Variants in LRRFIP1 observed in about 807,000 individuals in gnomAD.
The protein encoded by LRRFIP1 is leucine-rich repeat flightless-interacting protein 1.
In LRRFIP1, 62 loss-of-function variants were observed where a neutral mutation model predicts 104.4. The observed-to-expected ratio is 0.59, with a 90% confidence interval of 0.48 to 0.73. The LOEUF (loss-of-function observed/expected upper bound fraction) is 0.73. LRRFIP1 is among the 30% of genes least tolerant of loss of function. LRRFIP1 has a pLI of 0.00. For missense variants in LRRFIP1, 796 were observed against 824.5 expected (o/e 0.97, Z 0.42); for synonymous variants, 300 against 299.0 (o/e 1.00, Z -0.03).
chr2:237,708,796 G>A (rs745452947), intron 2 of LRRFIP1, 166 bp downstream of exon 2: 7 of 793,140 alleles, frequency 8.8e-6, no homozygotes, highest in Non-Finnish European at 1.3e-5. Context: ...GGCCAGGAGT[G>A]CGCATAGCAC....
chr2:237,627,765 G>C (rs2081758919), intron 1 of LRRFIP1, 25 bp downstream of exon 1: 2 of 1,210,552 alleles, frequency 1.7e-6, no homozygotes, highest in Admixed American at 4.4e-5. Flanking sequence ...AGGGCAGCCG[G>C]GGGGCGCCGG....
At chr2:237,771,395 A>T (rs1193301516) in intron 20 of LRRFIP1, among the ~76,000 whole-genome samples, 3 of 152,116 alleles carry the variant, frequency 2.0e-5, no homozygotes, top group Non-Finnish European at 4.4e-5. Flanking sequence ...GAATCCACAC[A>T]AATGAAGTGA....
chr2:237,737,366 C>G lies in LRRFIP1; in HGVS notation c.556-1866C>G, dbSNP rs538383005. Among the ~76,000 whole-genome samples, 12 of 152,316 alleles carry G rather than the reference C, an allele frequency of 7.9e-5. No individual in the cohort carries two copies. In the South Asian group the frequency reaches 1.2e-3, roughly 16 times the overall value. ...GGAACTTCCACAGCCACGTGGCCAA[C>G]AAGAGATGGAGCCATGATTCAGACT... is the stretch of plus-strand genomic sequence containing the variant. On this transcript the variant is annotated intron_variant, in intron 10 of 23. Coordinates refer to ENST00000308482, the MANE Select transcript of LRRFIP1 (RefSeq NM_001137550.2).
chr2:237,707,635 G>A (rs988546007), intron 1 of LRRFIP1, among the ~76,000 whole-genome samples: 2 of 152,124 alleles, frequency 1.3e-5, no homozygotes, highest in Non-Finnish European at 2.9e-5. Flanking sequence ...TTATGCCATC[G>A]AGCTTACGGG....
intron 1 of LRRFIP1, among the ~76,000 whole-genome samples, chr2:237,694,532 G>A (rs1267211932): frequency 6.6e-6 from 1 of 152,210 alleles, no homozygotes; most frequent in Non-Finnish European, 1.5e-5. Context: ...TATAGGCACA[G>A]GAAAGTGGTT....
intron 1 of LRRFIP1, among the ~76,000 whole-genome samples, chr2:237,700,663 C>T (rs1334461882): frequency 6.6e-6 from 1 of 152,222 alleles, no homozygotes; most frequent in African/African-American, 2.4e-5. Flanking sequence ...CTGAGGAGAG[C>T]TGCTGTTCAT....
chr2:237,772,834 T>C (rs2060769089), intron 21 of LRRFIP1, 32 bp from the exon 22 acceptor site: 2 of 1,450,918 alleles, frequency 1.4e-6, no homozygotes, highest in South Asian at 2.3e-5. Flanking sequence ...GCCCAAGAGC[T>C]TAACAGATTT....
intron 1 of LRRFIP1, among the ~76,000 whole-genome samples, chr2:237,672,322 C>G (rs1008514493): frequency 2.0e-5 from 3 of 152,176 alleles, no homozygotes; most frequent in Non-Finnish European, 4.4e-5. Flanking sequence ...ATTCCTTGAG[C>G]GCACACAGCA....
chr2:237,765,478 T>C, intron 19 of LRRFIP1: 3 of 635,150 alleles, frequency 4.7e-6, no homozygotes, highest in Non-Finnish European at 5.8e-6. Context: ...AACCTTAAAA[T>C]ACTTTGTTTG....
chr2:237,700,793 C>G (rs1351237073), intron 1 of LRRFIP1, among the ~76,000 whole-genome samples: 2 of 152,188 alleles, frequency 1.3e-5, no homozygotes, highest in East Asian at 3.9e-4. Flanking sequence ...TGGGTCTCCC[C>G]TGGGCTCTGC....
chr2:237,730,004 C>A (rs1401045405), intron 8 of LRRFIP1, among the ~76,000 whole-genome samples: 4 of 152,172 alleles, frequency 2.6e-5, no homozygotes, highest in Non-Finnish European at 5.9e-5. Flanking sequence ...CAGCAGTTAA[C>A]ATGAGCTCCT....
intron 19 of LRRFIP1, among the ~76,000 whole-genome samples, chr2:237,760,907 A>G (rs980280986): frequency 1.4e-4 from 21 of 152,180 alleles, no homozygotes; most frequent in Non-Finnish European, 2.9e-5. Context: ...ACCATTTTCA[A>G]TGATCTGATT....
At chr2:237,770,138 T>C in intron 20 of LRRFIP1, 146 bp downstream of exon 20, 1 of 652,814 alleles carries the variant, frequency 1.5e-6, no homozygotes, top group Non-Finnish European at 2.8e-6. Context: ...TTAAGATTGC[T>C]ATCCAAATAG....
chr2:237,627,600 C>A lies in LRRFIP1; in HGVS notation c.-45C>A. ...CGGGGCCGGGCCGGGGCGGCGCGAG[C>A]GGCTGGAGCAACGGGCCCCGCGGCA... On this transcript the variant is annotated 5_prime_UTR_variant, in exon 1 of 24. Coordinates refer to ENST00000308482, the MANE Select transcript of LRRFIP1 (RefSeq NM_001137550.2). 1 of 1,130,528 alleles carries A rather than the reference C, an allele frequency of 8.8e-7. No homozygotes were observed. Among genetic ancestry groups the A allele is most frequent in the Non-Finnish European group, 1.1e-6 (1 of 904,122 alleles). The allele number at this position is 1,130,528 out of a possible 1,614,324, so 70.0% of individuals were successfully genotyped here. A position where few individuals can be genotyped will look rare whatever the true frequency, so the allele number is the denominator to read the frequency against.
intron 22 of LRRFIP1, among the ~76,000 whole-genome samples, chr2:237,773,647 C>T (rs1255387296): frequency 6.6e-6 from 1 of 152,216 alleles, no homozygotes; most frequent in Non-Finnish European, 1.5e-5. Flanking sequence ...CGAGGCCCGC[C>T]CTCCCTGGTG....
At chr2:237,765,469 ACCTT>A in intron 19 of LRRFIP1, 1 of 853,696 alleles carries the variant, frequency 1.2e-6, no homozygotes, top group Non-Finnish European at 1.4e-6. Context: ...AAGTTTTTGA[ACCTT>A]AAAATACTTT....
chr2:237,649,441 G>A lies in LRRFIP1; in HGVS notation c.96+21701G>A, dbSNP rs934853271. Among the ~76,000 whole-genome samples the A allele has an allele frequency of 1.3e-5, 2 of 152,002 alleles. No homozygotes were observed. Among genetic ancestry groups the A allele is most frequent in the Non-Finnish European group, 2.9e-5 (2 of 67,948 alleles). The stretch of plus-strand genomic sequence containing the variant: ...AGCTACTGGGGAGGCTGAGGCGGGA[G>A]AATTGCTTGAGCCCAGGACGTGGAG... On this transcript the variant is annotated intron_variant, in intron 1 of 23. Coordinates refer to ENST00000308482, the MANE Select transcript of LRRFIP1 (RefSeq NM_001137550.2). This position sits in a 1 kb window ranked among gnomAD's most constrained non-coding sequence, Gnocchi z 4.1.
At chr2:237,758,702 T>C in intron 17 of LRRFIP1, 27 bp from the exon 18 acceptor site, 1 of 1,545,342 alleles carries the variant, frequency 6.5e-7, no homozygotes, top group Non-Finnish European at 8.9e-7. Flanking sequence ...AATCTTCTTC[T>C]TTCTCTTGGC....
chr2:237,749,326 T>A lies in LRRFIP1; in HGVS notation c.795+2T>A. On this transcript the variant is annotated splice_donor_variant, in intron 13 of 23. Transcript: ENST00000308482. LOFTEE classifies it high-confidence loss of function. ...GAGGCATCCATCAGGGAAATCAAGGTGAGATGCTCTCTTCTTACTGACAAC... is the reference window on the plus strand; with the variant it reads ...GAGGCATCCATCAGGGAAATCAAGGAGAGATGCTCTCTTCTTACTGACAAC... The A allele has an allele frequency of 6.2e-7, 1 of 1,613,020 alleles. No individual in the cohort carries two copies. Among genetic ancestry groups the A allele is most frequent in the Non-Finnish European group, 8.5e-7 (1 of 1,179,640 alleles).
Sources: allele counts gnomAD v4.1 joint callset (sites outside exome capture counted in the v4.1 genomes callset), GRCh38; gene constraint gnomAD v4.1.1; non-coding constraint Gnocchi (gnomAD v3.1); transcripts MANE v1.5; gene names NCBI Gene and HGNC (gene_info 2026-07-23, HGNC 2026-07-21).